Variants in STK3 observed in about 807,000 individuals in gnomAD.
STK3 encodes the protein serine/threonine kinase 3, also known as serine/threonine-protein kinase 3.
In STK3, 41 loss-of-function variants were observed where a neutral mutation model predicts 58.0. That is an observed-to-expected ratio of 0.71 (90% CI 0.55 to 0.92). STK3 has a LOEUF of 0.92. Among genes scored for constraint, STK3 ranks in the 40% least tolerant of loss-of-function variants. The pLI is 0.00. For missense variants in STK3, 479 were observed against 602.7 expected, an observed-to-expected ratio of 0.79 and a Z score of 2.15; for synonymous variants, 170 against 191.0, an observed-to-expected ratio of 0.89 and a Z score of 0.91.
intron 3 of STK3, among the ~76,000 whole-genome samples, chr8:98,873,618 T>C (rs548811764): frequency 6.6e-6 from 1 of 152,196 alleles, no homozygotes; most frequent in Non-Finnish European, 1.5e-5. Flanking sequence ...TCTTTTAATC[T>C]TTGTTGGTTT....
At chr8:98,667,784 C>A (rs1031531598) in intron 6 of STK3, among the ~76,000 whole-genome samples, 1 of 151,936 alleles carries the variant, frequency 6.6e-6, no homozygotes, top group African/African-American at 2.4e-5. Context: ...AGTAACATGA[C>A]AATCATAACT....
intron 2 of STK3, among the ~76,000 whole-genome samples, chr8:98,772,814 C>A (rs1831404606): frequency 6.6e-6 from 1 of 152,154 alleles, no homozygotes; most frequent in Non-Finnish European, 1.5e-5. Flanking sequence ...ATGACTATAA[C>A]CTTCCTGAAG....
At chr8:98,495,001 A>G (rs528920758) in intron 10 of STK3, among the ~76,000 whole-genome samples, 2 of 152,358 alleles carry the variant, frequency 1.3e-5, no homozygotes, top group Middle Eastern at 3.4e-3. Flanking sequence ...AAAGCTGCAC[A>G]TTCTCATACT....
chr8:98,563,800 A>G (rs1438488132), intron 8 of STK3, among the ~76,000 whole-genome samples: 1 of 152,198 alleles, frequency 6.6e-6, no homozygotes, highest in Non-Finnish European at 1.5e-5. Flanking sequence ...TAAACATAGT[A>G]GTATTGGATT....
chr8:98,658,475 C>G (rs894631130), intron 6 of STK3, among the ~76,000 whole-genome samples: 2 of 152,032 alleles, frequency 1.3e-5, no homozygotes, highest in Admixed American at 1.3e-4. Context: ...CAAAAGGCAA[C>G]CAACCCAAAC....
At chr8:98,404,768 T>C (rs1817977641) in intron 3 of STK3, among the ~76,000 whole-genome samples, 1 of 151,960 alleles carries the variant, frequency 6.6e-6, no homozygotes, top group African/African-American at 2.4e-5. Flanking sequence ...GCAGGATTGC[T>C]TGAGTCTGGG....
At chr8:98,669,641 CAAGG>C (rs1822662269) in intron 6 of STK3, among the ~76,000 whole-genome samples, 1 of 152,108 alleles carries the variant, frequency 6.6e-6, no homozygotes, top group Admixed American at 6.6e-5. Flanking sequence ...TACAGATCGT[CAAGG>C]AAGTATCCCA....
intron 6 of STK3, chr8:98,602,240 T>C (rs1036590347): frequency 3.3e-5 from 5 of 152,372 alleles, no homozygotes; most frequent in Non-Finnish European, 5.9e-5. Context: ...AATTCTTATG[T>C]TCAAAGCAAA....
At chr8:98,635,686 TA>T (rs1205672133) in intron 6 of STK3, among the ~76,000 whole-genome samples, 3 of 152,134 alleles carry the variant, frequency 2.0e-5, no homozygotes, top group Non-Finnish European at 2.9e-5. Flanking sequence ...CATTATTAAG[TA>T]AAAAAACACA....
intron 1 of STK3, among the ~76,000 whole-genome samples, chr8:98,807,550 A>G (rs1440341669): frequency 6.6e-6 from 1 of 152,140 alleles, no homozygotes; most frequent in African/African-American, 2.4e-5. Flanking sequence ...GAGCCACTGT[A>G]CCCGACCAGT....
In STK3 at chr8:98,428,764, T is replaced by G. The variant is rs1426643052; in HGVS notation, n.483+5363A>C. ...AAGTTCTTCAAGAATGCCCTAAACC[T>G]TATTGACCTCATGTCCATCGTCCCC... On this transcript the variant is annotated intron_variant and non_coding_transcript_variant, in intron 3 of 3. Coordinates refer to the STK3 transcript ENST00000517832. This position sits in a 1 kb window ranked among gnomAD's most constrained non-coding sequence, Gnocchi z 6.7. 6.2e-7 allele frequency: 1 copy of G among 1,614,086 alleles called. No homozygotes were observed. Among genetic ancestry groups the G allele is most frequent in the Non-Finnish European group, 8.5e-7 (1 of 1,180,048 alleles).
At chr8:98,544,501 T>C (rs986060666) in intron 9 of STK3, among the ~76,000 whole-genome samples, 4 of 152,138 alleles carry the variant, frequency 2.6e-5, no homozygotes, top group Non-Finnish European at 5.9e-5. Context: ...TGAATGGGTA[T>C]CTTAAGGAAC....
intron 6 of STK3, among the ~76,000 whole-genome samples, chr8:98,647,949 C>T (rs945851692): frequency 2.0e-5 from 3 of 152,072 alleles, no homozygotes; most frequent in African/African-American, 4.8e-5. Flanking sequence ...ATCTTTTTTG[C>T]CTCAATGCCT....
intron 6 of STK3, among the ~76,000 whole-genome samples, chr8:98,653,164 C>T (rs1821113568): frequency 6.6e-6 from 1 of 152,184 alleles, no homozygotes; most frequent in Admixed American, 6.5e-5. Flanking sequence ...AACTAGAACT[C>T]AGGATTAAGA....
At chr8:98,504,699 A>G (rs1025247655) in intron 10 of STK3, among the ~76,000 whole-genome samples, 2 of 152,214 alleles carry the variant, frequency 1.3e-5, no homozygotes, top group African/African-American at 4.8e-5. Context: ...CATTTCTTTA[A>G]GAATGTTGAA....
intron 10 of STK3, among the ~76,000 whole-genome samples, chr8:98,506,468 C>T (rs143754519): frequency 5.9e-5 from 9 of 152,240 alleles, no homozygotes; most frequent in African/African-American, 1.9e-4. Context: ...CAGAAATCAC[C>T]GTCTTCTGCG....
At chr8:98,488,358 A>G (rs555973348) in intron 10 of STK3, among the ~76,000 whole-genome samples, 1 of 152,354 alleles carries the variant, frequency 6.6e-6, no homozygotes, top group African/African-American at 2.4e-5. Flanking sequence ...GGTGGGATTC[A>G]GATGCAGTTT....
intron 10 of STK3, among the ~76,000 whole-genome samples, chr8:98,500,639 A>G (rs554330322): frequency 1.3e-5 from 2 of 151,994 alleles, no homozygotes; most frequent in South Asian, 2.1e-4. Context: ...GTCATAACCT[A>G]TGAGTGAGAA....
rs1369841087 is a variant in STK3 at position 98,825,505 on chromosome 8, G to A, written c.26+10C>T. 2 of 1,454,492 alleles carry A rather than the reference G, an allele frequency of 1.4e-6. No individual in the cohort carries two copies. The highest frequency in any genetic ancestry group is 4.9e-5 in the Admixed American group (2 of 40,476). The allele number at this position is 1,454,492 out of a possible 1,614,324, so 90.1% of individuals were successfully genotyped here. ...GCTTCCCTCCTTCTTCCCGCTCCCC[G>A]ATTCGTTACCTCTTAGGCGCCGGCG... On this transcript the variant is annotated intron_variant, in intron 1 of 10. Transcript: ENST00000419617.
Sources: gnomAD v4.1 joint callset for allele counts (sites outside exome capture counted in the v4.1 genomes callset) on GRCh38, gnomAD v4.1.1 for gene constraint, Gnocchi (gnomAD v3.1) non-coding constraint, MANE v1.5 for transcripts, NCBI Gene and HGNC (gene_info 2026-07-23, HGNC 2026-07-21) for gene names.